Variants in KCNJ6 observed in about 807,000 individuals in gnomAD.
KCNJ6 encodes potassium inwardly rectifying channel subfamily J member 6.
Under a neutral mutation model 34.2 loss-of-function variants are expected in KCNJ6, and 9 were observed. The observed-to-expected ratio is 0.26, with a 90% confidence interval of 0.16 to 0.46. KCNJ6 has a LOEUF of 0.46. Among genes scored for constraint, KCNJ6 ranks in the 20% least tolerant of loss-of-function variants. KCNJ6 has a pLI of 1.00. For missense variants in KCNJ6, 236 were observed against 531.3 expected (o/e 0.44, Z 5.46); for synonymous variants, 196 against 207.1 (o/e 0.95, Z 0.46).
At chr21:37,863,788 G>A (rs2055606389) in intron 1 of KCNJ6, among the ~76,000 whole-genome samples, 1 of 147,360 alleles carries the variant, frequency 6.8e-6, no homozygotes, top group South Asian at 2.1e-4. Flanking sequence ...AATGCTCCAT[G>A]GCTCCTAAAA....
chr21:37,706,263 T>C (rs2054719101), intron 3 of KCNJ6, among the ~76,000 whole-genome samples: 1 of 152,208 alleles, frequency 6.6e-6, no homozygotes, highest in South Asian at 2.1e-4. Context: ...CACCACACAT[T>C]TCAAAACCTA....
intron 1 of KCNJ6, among the ~76,000 whole-genome samples, chr21:37,842,750 G>T (rs2055487363): frequency 6.6e-6 from 1 of 152,200 alleles, no homozygotes; most frequent in South Asian, 2.1e-4. Flanking sequence ...GCCGGTTCAT[G>T]TGAGTGTGCA....
At chr21:37,758,986 C>T (rs985538744) in intron 2 of KCNJ6, among the ~76,000 whole-genome samples, 11 of 152,190 alleles carry the variant, frequency 7.2e-5, no homozygotes, top group African/African-American at 2.7e-4. Flanking sequence ...CATGGCTCAG[C>T]CCTGCTCACA....
At chr21:37,679,182 A>G (rs1232887839) in intron 3 of KCNJ6, among the ~76,000 whole-genome samples, 2 of 152,218 alleles carry the variant, frequency 1.3e-5, no homozygotes, top group Non-Finnish European at 1.5e-5. Flanking sequence ...GCCCCAGTCA[A>G]GCCTTCAGAT....
At chr21:37,788,451 A>G (rs1455503002) in intron 2 of KCNJ6, among the ~76,000 whole-genome samples, 1 of 152,150 alleles carries the variant, frequency 6.6e-6, no homozygotes, top group African/African-American at 2.4e-5. Context: ...AATTTGACCA[A>G]TGTGCCTGTG....
At chr21:37,795,117 A>G (rs1273896302) in intron 2 of KCNJ6, among the ~76,000 whole-genome samples, 8 of 152,244 alleles carry the variant, frequency 5.3e-5, no homozygotes, top group African/African-American at 1.9e-4. Flanking sequence ...AATACAGATA[A>G]TAGGTCATCA....
At chr21:37,841,155 T>A (rs2055478895) in intron 1 of KCNJ6, among the ~76,000 whole-genome samples, 1 of 152,188 alleles carries the variant, frequency 6.6e-6, no homozygotes, top group East Asian at 1.9e-4. Flanking sequence ...TTCTTTGTCT[T>A]AGTTTTTTGG....
intron 3 of KCNJ6, among the ~76,000 whole-genome samples, chr21:37,701,538 C>T (rs561470635): frequency 1.3e-5 from 2 of 152,132 alleles, no homozygotes; most frequent in African/African-American, 4.8e-5. Context: ...ATCCAGGGCC[C>T]GCTGTGGTCC....
At chr21:37,671,122 G>C (rs182893392) in intron 3 of KCNJ6, among the ~76,000 whole-genome samples, 1 of 152,262 alleles carries the variant, frequency 6.6e-6, no homozygotes, top group Non-Finnish European at 1.5e-5. Flanking sequence ...ATGACTGGCA[G>C]CTGCAGACCT....
At chr21:37,771,026 T>C in intron 2 of KCNJ6, among the ~76,000 whole-genome samples, 1 of 152,218 alleles carries the variant, frequency 6.6e-6, no homozygotes, top group East Asian at 1.9e-4. Flanking sequence ...GGTGTGCTTT[T>C]GCCTGTACAC....
At chr21:37,853,810 T>C (rs527874926) in intron 1 of KCNJ6, among the ~76,000 whole-genome samples, 8 of 112,974 alleles carry the variant, frequency 7.1e-5, no homozygotes, top group African/African-American at 2.2e-4. Flanking sequence ...AATTGGTCAA[T>C]ATTAACAGCA....
intron 3 of KCNJ6, among the ~76,000 whole-genome samples, chr21:37,646,861 A>C (rs1256094853): frequency 6.6e-6 from 1 of 151,922 alleles, no homozygotes. Context: ...TTTAGTAGAG[A>C]CGGGGTTTCA....
intron 1 of KCNJ6, among the ~76,000 whole-genome samples, chr21:37,882,799 A>T (rs2055716086): frequency 6.6e-6 from 1 of 152,256 alleles, no homozygotes; most frequent in Non-Finnish European, 1.5e-5. Flanking sequence ...CCTTACAGGC[A>T]CTTTAGAGTT....
At chr21:37,840,759 G>A in intron 1 of KCNJ6, 50 bp from the exon 2 acceptor site, 1 of 1,015,796 alleles carries the variant, frequency 9.8e-7, no homozygotes, top group Admixed American at 2.0e-5. Context: ...TCTTAGATAT[G>A]AATTGATCTA....
chr21:37,704,240 C>A (rs1380641664), intron 3 of KCNJ6, among the ~76,000 whole-genome samples: 1 of 116,390 alleles, frequency 8.6e-6, no homozygotes, highest in Non-Finnish European at 2.0e-5. Context: ...TTAACATCAT[C>A]TAGGGGGATC....
rs113587330 is a variant in KCNJ6, at chr21:37,731,100, A to AGTGTGTGT, written c.26-15977_26-15970dup. Among the ~76,000 whole-genome samples, 578 of 134,774 alleles carry AGTGTGTGT rather than the reference A, an allele frequency of 4.3e-3. 3 individuals carry two copies. The highest frequency in any genetic ancestry group is 0.015 in the Middle Eastern group (4 of 260). 88.4% of individuals were successfully genotyped at this position (134,774 alleles called of 152,430 possible). ...TCTGCCATTGCAGATAGATGAGAGA[A>AGTGTGTGT]GTGTGTGTGTGTGTGTGTGTGTGTG... On this transcript the variant is annotated intron_variant, in intron 2 of 3. Transcript: ENST00000609713.
At chr21:37,771,819 G>A (rs2055119120) in intron 2 of KCNJ6, among the ~76,000 whole-genome samples, 1 of 152,150 alleles carries the variant, frequency 6.6e-6, no homozygotes, top group African/African-American at 2.4e-5. Flanking sequence ...ATAAGGGCAG[G>A]AATTTCTCTG....
chr21:37,663,075 A>G (rs2054497360), intron 3 of KCNJ6, among the ~76,000 whole-genome samples: 1 of 152,192 alleles, frequency 6.6e-6, no homozygotes, highest in South Asian at 2.1e-4. Flanking sequence ...ATATATTAGG[A>G]TAAAATTCTG....
At chr21:37,671,046 G>A (rs916777979) in intron 3 of KCNJ6, among the ~76,000 whole-genome samples, 1 of 152,172 alleles carries the variant, frequency 6.6e-6, no homozygotes, top group African/African-American at 2.4e-5. Flanking sequence ...CCCATTTCCT[G>A]ATACATAGCT....
Sources: gnomAD v4.1 joint callset for allele counts (sites outside exome capture counted in the v4.1 genomes callset) on GRCh38, gnomAD v4.1.1 for gene constraint, MANE v1.5 for transcripts, NCBI Gene and HGNC (gene_info 2026-07-23, HGNC 2026-07-21) for gene names.